Variants in CAMTA1 observed in about 807,000 individuals in gnomAD.
The protein encoded by CAMTA1 is calmodulin-binding transcription activator 1.
In CAMTA1, 27 loss-of-function variants were observed where a neutral mutation model predicts 170.9. The ratio of observed to expected loss-of-function variants is 0.16; its 90% CI spans 0.12 to 0.22. CAMTA1 has a LOEUF of 0.22. Ranked by LOEUF, CAMTA1 falls within the 10% of genes least tolerant of loss-of-function variation. The pLI, the probability that CAMTA1 is intolerant of heterozygous loss-of-function variation, is 1.00. For synonymous variants in CAMTA1, 833 were observed against 891.5 expected (o/e 0.93, Z 1.17); for missense variants, 1,619 against 2,217.2 (o/e 0.73, Z 5.42).
chr1:7,370,703 A>G (rs565911531), intron 5 of CAMTA1, among the ~76,000 whole-genome samples: 1 of 152,258 alleles, frequency 6.6e-6, no homozygotes, highest in South Asian at 2.1e-4. Context: ...TTTTGAATGC[A>G]TTTACTCAGA....
chr1:6,793,019 TA>T (rs1398633663), intron 1 of CAMTA1, among the ~76,000 whole-genome samples: 7 of 152,084 alleles, frequency 4.6e-5, no homozygotes, highest in African/African-American at 1.7e-4. Context: ...ACCACTCATA[TA>T]TATCTTATAT....
chr1:7,602,676 A>G (rs1464943683), intron 6 of CAMTA1, among the ~76,000 whole-genome samples: 1 of 151,876 alleles, frequency 6.6e-6, no homozygotes, highest in African/African-American at 2.4e-5. Flanking sequence ...TCTGATCTTA[A>G]TTATTTCTTG....
chr1:6,920,871 C>T (rs1681854760), intron 3 of CAMTA1, among the ~76,000 whole-genome samples: 1 of 152,206 alleles, frequency 6.6e-6, no homozygotes, highest in African/African-American at 2.4e-5. Context: ...GCACGGGAAC[C>T]CTGGGCCCAG....
chr1:6,795,311 C>T (rs890140421), intron 1 of CAMTA1, among the ~76,000 whole-genome samples: 7 of 152,046 alleles, frequency 4.6e-5, no homozygotes, highest in African/African-American at 1.7e-4. Context: ...CCTCAGCCCC[C>T]TGAGTGACTG....
At chr1:7,374,707 T>C (rs1256418546) in intron 5 of CAMTA1, among the ~76,000 whole-genome samples, 3 of 152,214 alleles carry the variant, frequency 2.0e-5, no homozygotes, top group African/African-American at 4.8e-5. Context: ...GCTCACCAGA[T>C]ACCAGGACAC....
intron 3 of CAMTA1, among the ~76,000 whole-genome samples, chr1:7,080,644 C>T (rs1353760437): frequency 1.3e-5 from 2 of 152,102 alleles, no homozygotes; most frequent in Non-Finnish European, 2.9e-5. Context: ...AAGCGATTCT[C>T]CTGCCTCAGC....
intron 5 of CAMTA1, among the ~76,000 whole-genome samples, chr1:7,322,627 G>T (rs755887642): frequency 6.6e-6 from 1 of 152,154 alleles, no homozygotes; most frequent in Non-Finnish European, 1.5e-5. Flanking sequence ...AGTCACACTT[G>T]GTTGTTTGCA....
chr1:7,331,675 C>T (rs6698915), intron 5 of CAMTA1, among the ~76,000 whole-genome samples: 1 of 152,080 alleles, frequency 6.6e-6, no homozygotes, highest in Non-Finnish European at 1.5e-5. Flanking sequence ...CTTGGCACCC[C>T]CTAGAGAGCT....
At chr1:6,894,761 A>C (rs773675457) in intron 3 of CAMTA1, among the ~76,000 whole-genome samples, 19 of 152,262 alleles carry the variant, frequency 1.2e-4, no homozygotes, top group African/African-American at 4.6e-4. Flanking sequence ...ACATTTCAGG[A>C]TATAAGAATG....
intron 3 of CAMTA1, among the ~76,000 whole-genome samples, chr1:6,831,230 T>C (rs1650016294): frequency 6.6e-6 from 1 of 152,222 alleles, no homozygotes; most frequent in African/African-American, 2.4e-5. Context: ...AGCCTGACTT[T>C]TATATTCAGG....
intron 4 of CAMTA1, among the ~76,000 whole-genome samples, chr1:7,162,759 T>C (rs1167161645): frequency 6.6e-6 from 1 of 152,188 alleles, no homozygotes; most frequent in East Asian, 1.9e-4. Flanking sequence ...ATACAAATAA[T>C]GTTTCTGAGA....
Position 7,385,898 on chromosome 1 carries a change from G to C in CAMTA1, c.439-81932G>C, listed in dbSNP as rs573385841. 5.3e-5 allele frequency among the ~76,000 whole-genome samples: 8 copies of C among 152,312 alleles called. No individual in the cohort carries two copies. The East Asian group carries it at 1.5e-3, about 29-fold the overall frequency. On this transcript the variant is annotated intron_variant, in intron 5 of 22. Transcript: ENST00000303635. ...TTGGTTGTGTCCAGTGCGGTGCTGA[G>C]CTTCGTTCCACATGCAGGAGCCTCA... is the stretch of plus-strand genomic sequence containing the variant.
At chr1:7,713,420 G>A (rs2096586188) in intron 11 of CAMTA1, among the ~76,000 whole-genome samples, 1 of 152,120 alleles carries the variant, frequency 6.6e-6, no homozygotes, top group South Asian at 2.1e-4. Context: ...TTCAGGAAAT[G>A]CCTGTAAGAA....
chr1:6,879,821 G>A (rs1296358975), intron 3 of CAMTA1, among the ~76,000 whole-genome samples: 1 of 150,078 alleles, frequency 6.7e-6, no homozygotes, highest in Non-Finnish European at 1.5e-5. Context: ...TGTAGAGACG[G>A]AGTCTCTGTT....
At chr1:7,422,751 C>T (rs763624197) in intron 5 of CAMTA1, among the ~76,000 whole-genome samples, 4 of 152,160 alleles carry the variant, frequency 2.6e-5, no homozygotes, top group African/African-American at 4.8e-5. Context: ...AGGCAGCTTC[C>T]CACATGGGGC....
intron 6 of CAMTA1, among the ~76,000 whole-genome samples, chr1:7,563,260 G>A (rs1327190802): frequency 6.6e-6 from 1 of 152,190 alleles, no homozygotes; most frequent in African/African-American, 2.4e-5. Context: ...AGAGTCTTCC[G>A]CGCAGCTGCT....
intron 11 of CAMTA1, among the ~76,000 whole-genome samples, chr1:7,722,422 A>G (rs2096655524): frequency 6.6e-6 from 1 of 152,164 alleles, no homozygotes; most frequent in African/African-American, 2.4e-5. Flanking sequence ...TCGACCCAGC[A>G]AAAGAAAAGG....
chr1:7,212,760 C>A (rs935398355), intron 4 of CAMTA1, among the ~76,000 whole-genome samples: 13 of 152,128 alleles, frequency 8.5e-5, no homozygotes, highest in Admixed American at 3.3e-4. Flanking sequence ...CCCACTTCCT[C>A]CCCTCCCCTA....
At chr1:6,871,410 T>G (rs1668374419) in intron 3 of CAMTA1, among the ~76,000 whole-genome samples, 1 of 152,218 alleles carries the variant, frequency 6.6e-6, no homozygotes, top group South Asian at 2.1e-4. Context: ...ACTCATTCCT[T>G]GAGGAGAGGA....
Sources: gnomAD v4.1 joint callset for allele counts (sites outside exome capture counted in the v4.1 genomes callset) on GRCh38, gnomAD v4.1.1 for gene constraint, MANE v1.5 for transcripts, NCBI Gene and HGNC (gene_info 2026-07-23, HGNC 2026-07-21) for gene names.